NOL9: variants seen among roughly 807,000 people sequenced by gnomAD.
The protein encoded by NOL9 is nucleolar protein 9, also known as polynucleotide 5'-hydroxyl-kinase NOL9.
In NOL9, 28 loss-of-function variants were observed where a neutral mutation model predicts 67.9. The ratio of observed to expected loss-of-function variants is 0.41; its 90% CI spans 0.31 to 0.57. NOL9 has a LOEUF of 0.57. NOL9 is among the 20% of genes least tolerant of loss of function. NOL9 has a pLI of 0.25. For missense variants in NOL9, 777 were observed against 897.0 expected (o/e 0.87, Z 1.71); for synonymous variants, 356 against 352.2 (o/e 1.01, Z -0.12).
At chr1:6,550,069 T>C (rs1381067530) in intron 2 of NOL9, among the ~76,000 whole-genome samples, 1 of 152,168 alleles carries the variant, frequency 6.6e-6, no homozygotes, top group South Asian at 2.1e-4. Context: ...TCTCGCTCTG[T>C]TGCCCAGGCT....
At chr1:6,550,100 C>T (rs6692838) in intron 2 of NOL9, among the ~76,000 whole-genome samples, 121,587 of 151,702 alleles carry the variant, frequency 0.8, 49,686 homozygotes, top group Non-Finnish European at 0.88. Context: ...GGCGTGATCT[C>T]GGCCTACTGC....
At chr1:6,546,371 C>T (rs1639422251) in intron 3 of NOL9, among the ~76,000 whole-genome samples, 1 of 152,208 alleles carries the variant, frequency 6.6e-6, no homozygotes, top group African/African-American at 2.4e-5. Flanking sequence ...CCTGGTCCAG[C>T]TACTGGACTC....
In NOL9 at chr1:6,531,987, T is replaced by C. The variant is rs1213888598; in HGVS notation, c.1628A>G (p.His543Arg). Residue 543 changes from histidine (H) to arginine (R), a missense_variant, in exon 9 of 12, where the codon CAT (histidine) becomes CGT (arginine). Physicochemically the swap from His to Arg is conservative, Grantham distance 29. This residue lies in a region of NOL9 where 413 missense variants were observed against 552.6 expected (regional missense o/e 0.75). Coordinates refer to ENST00000377705, the MANE Select transcript of NOL9 (RefSeq NM_024654.5). ...PPMPKPLSPLHSLTPYQVPFN... is the reference protein window; with the variant it reads ...PPMPKPLSPLRSLTPYQVPFN... ...GATTACCTGATAGGGTGTCAGGCTA[T>C]GTAAAGGAGAAAGTGGTTTGGGCAT... is the stretch of plus-strand genomic sequence containing the variant. The C allele has an allele frequency of 3.7e-6, 6 of 1,613,608 alleles. No individual in the cohort carries two copies. Among genetic ancestry groups the C allele is most frequent in the Non-Finnish European group, 5.1e-6 (6 of 1,179,616 alleles).
intron 3 of NOL9, chr1:6,548,462 T>G (rs566776772): frequency 3.1e-4 from 71 of 232,334 alleles, no homozygotes; most frequent in African/African-American, 1.6e-3. Context: ...CTAAAGTTCT[T>G]AAGAGATTGT....
chr1:6,549,665 G>A lies in NOL9; in HGVS notation c.650C>T (p.Pro217Leu). ...TTCTAGCAACACAATGGAACACTGA[G>A]GAGAAAAATTCTGCATCGACCAACG... ...DRRWSMQNFS[P>L]QCSIVLLEHL... The change falls in exon 3 of 12, where the codon CCT becomes CTT. Residue 217 changes from proline to leucine, a missense_variant. Pro to Leu is a moderately conservative substitution (Grantham distance 98). Transcript: ENST00000377705. 1 of 1,614,118 alleles carries A rather than the reference G, an allele frequency of 6.2e-7. No individual in the cohort carries two copies. Among genetic ancestry groups the A allele is most frequent in the Non-Finnish European group, 8.5e-7 (1 of 1,180,008 alleles).
intron 10 of NOL9, 138 bp from the exon 11 acceptor site, chr1:6,526,967 C>G: frequency 8.6e-7 from 1 of 1,168,444 alleles, no homozygotes; most frequent in Non-Finnish European, 1.2e-6. Context: ...AAGAGCTGGC[C>G]AGGTGCAGTG....
chr1:6,527,571 C>A (rs1162365853), intron 10 of NOL9, among the ~76,000 whole-genome samples: 1 of 149,970 alleles, frequency 6.7e-6, no homozygotes, highest in Non-Finnish European at 1.5e-5. Context: ...CACTTGAACT[C>A]GGGAGGCAGA....
At chr1:6,547,320 G>A (rs996992224) in intron 3 of NOL9, among the ~76,000 whole-genome samples, 3 of 152,010 alleles carry the variant, frequency 2.0e-5, no homozygotes, top group Non-Finnish European at 4.4e-5. Flanking sequence ...GTTAACAAAT[G>A]GAAACCCACT....
intron 6 of NOL9, 88 bp from the exon 7 acceptor site, chr1:6,533,529 G>A (rs891385241): frequency 4.9e-5 from 47 of 965,602 alleles, no homozygotes; most frequent in Non-Finnish European, 6.1e-5. Context: ...TGTTTCAGCC[G>A]TTATCACTGA....
In NOL9 at chr1:6,524,263, A is replaced by G. The variant is rs1018794410; in HGVS notation, c.*1591T>C. ...ATAACCAACAGTTGTATAAGTGTATATAAGTGTTAAAACCCACACATCCTA... is the reference window on the plus strand; with the variant it reads ...ATAACCAACAGTTGTATAAGTGTATGTAAGTGTTAAAACCCACACATCCTA... On this transcript the variant is annotated 3_prime_UTR_variant, in exon 12 of 12. Coordinates refer to ENST00000377705, the MANE Select transcript of NOL9 (RefSeq NM_024654.5). The G allele has an allele frequency of 1.3e-5, 2 of 151,518 alleles. No homozygotes were observed. The highest frequency in any genetic ancestry group is 2.1e-4 in the South Asian group (1 of 4,822). The allele number at this position is 151,518 out of a possible 1,614,324, so 9.4% of individuals were successfully genotyped here. A position where few individuals can be genotyped will look rare whatever the true frequency, so the allele number is the denominator to read the frequency against.
chr1:6,525,456 A>C lies in NOL9; in HGVS notation c.*398T>G. The stretch of plus-strand genomic sequence containing the variant: ...AGGCCCGTGGCGAGCCCTTGTATCC[A>C]TTATGCTTGAGATCCTGCAGGTCGG... On this transcript the variant is annotated 3_prime_UTR_variant, in exon 12 of 12. Coordinates refer to ENST00000377705, the MANE Select transcript of NOL9 (RefSeq NM_024654.5). The C allele has an allele frequency of 4.6e-6, 1 of 218,542 alleles. No individual in the cohort carries two copies. The highest frequency in any genetic ancestry group is 9.2e-6 in the Non-Finnish European group (1 of 109,246). 13.5% of individuals were successfully genotyped at this position (218,542 alleles called of 1,614,324 possible).
chr1:6,530,002 T>C (rs1034184323), intron 9 of NOL9, among the ~76,000 whole-genome samples: 1 of 151,928 alleles, frequency 6.6e-6, no homozygotes, highest in Non-Finnish European at 1.5e-5. Context: ...GCCTTTAGTC[T>C]TAGCTACTTG....
At chr1:6,543,635 G>A (rs748540899) in intron 5 of NOL9, among the ~76,000 whole-genome samples, 1 of 152,118 alleles carries the variant, frequency 6.6e-6, no homozygotes, top group Admixed American at 6.5e-5. Flanking sequence ...AAAGTGCTGC[G>A]ACTGCAGATG....
rs1639449282 is a variant in NOL9, at chr1:6,547,726, G to C, written c.744+1845C>G. ...AAAAATTAGCCGGGAGTCATGGCGT[G>C]TACCTGTAACCCCAGCTACTGAGAG... is the stretch of plus-strand genomic sequence containing the variant. On this transcript the variant is annotated intron_variant, in intron 3 of 11. Transcript: ENST00000377705. 1.3e-5 allele frequency among the ~76,000 whole-genome samples: 2 copies of C among 151,988 alleles called. 1 individual carries two copies. Among genetic ancestry groups the C allele is most frequent in the Admixed American group, 1.3e-4 (2 of 15,232 alleles).
chr1:6,532,227 A>T, intron 8 of NOL9, 148 bp from the exon 9 acceptor site: 2 of 740,638 alleles, frequency 2.7e-6, no homozygotes, highest in Non-Finnish European at 4.5e-6. Flanking sequence ...AAAAACAGGA[A>T]GTGTAAAGAC....
chr1:6,551,617 A>G (rs1011793194), intron 1 of NOL9, among the ~76,000 whole-genome samples: 2 of 151,908 alleles, frequency 1.3e-5, no homozygotes, highest in African/African-American at 4.8e-5. Flanking sequence ...ATAAATAAAA[A>G]TTAAATAAAA....
Position 6,554,208 on chromosome 1 carries a change from G to A in NOL9, c.295C>T (p.Pro99Ser), listed in dbSNP as rs1639614470. 1.3e-6 allele frequency: 2 copies of A among 1,520,210 alleles called. No homozygotes were observed. The highest frequency in any genetic ancestry group is 1.4e-5 in the African/African-American group (1 of 69,444). 94.2% of individuals were successfully genotyped at this position (1,520,210 alleles called of 1,614,324 possible). The stretch of plus-strand genomic sequence containing the variant: ...CAACTCGAGGCGGATTCGAGTTCGG[G>A]TTCGGACTCGGGTTCGGAGGCCGGG... ...PTPASEPESE[P>S]ELESASSCHR... The change falls in exon 1 of 12, where the codon CCC becomes TCC. Residue 99 changes from proline to serine, a missense_variant. Physicochemically the swap from Pro to Ser is moderately conservative, Grantham distance 74. Coordinates refer to ENST00000377705, the MANE Select transcript of NOL9 (RefSeq NM_024654.5).
chr1:6,542,216 C>T (rs996253168), intron 5 of NOL9, among the ~76,000 whole-genome samples: 2 of 150,146 alleles, frequency 1.3e-5, no homozygotes, highest in Non-Finnish European at 2.9e-5. Context: ...GGCTGGGCTG[C>T]AGTGCACAAT....
intron 10 of NOL9, among the ~76,000 whole-genome samples, chr1:6,528,629 CT>C (rs1638944954): frequency 6.6e-6 from 1 of 152,192 alleles, no homozygotes; most frequent in Non-Finnish European, 1.5e-5. Context: ...AAGATGCACA[CT>C]GACAAGATGG....
Sources: gnomAD v4.1 joint callset for allele counts (sites outside exome capture counted in the v4.1 genomes callset) on GRCh38, gnomAD v4.1.1 for gene constraint, gnomAD v4.1.1 regional missense constraint, MANE v1.5 for transcripts, NCBI Gene and HGNC (gene_info 2026-07-23, HGNC 2026-07-21) for gene names.